MMRN1: variants seen among roughly 807,000 people sequenced by gnomAD.
MMRN1 encodes the protein multimerin-1.
In MMRN1, 94 loss-of-function variants were observed where a neutral mutation model predicts 100.7. The ratio of observed to expected loss-of-function variants is 0.93; its 90% CI spans 0.79 to 1.11. The LOEUF is 1.11. Among genes scored for constraint, MMRN1 ranks in the 50% least tolerant of loss-of-function variants. The pLI, the probability that MMRN1 is intolerant of heterozygous loss-of-function variation, is 0.00. For missense variants in MMRN1, 1,606 were observed against 1,439.1 expected, an observed-to-expected ratio of 1.12 and a Z score of -1.88; for synonymous variants, 575 against 505.0, an observed-to-expected ratio of 1.14 and a Z score of -1.86.
Position 89,909,394 on chromosome 4 carries a change from A to G in MMRN1, c.742A>G (p.Arg248Gly), listed in dbSNP as rs1721673199. 6.2e-7 allele frequency: 1 copy of G among 1,608,682 alleles called. No homozygotes were observed. Among genetic ancestry groups the G allele is most frequent in the Admixed American group, 1.7e-5 (1 of 59,308 alleles). The change falls in exon 2 of 8, where the codon AGA becomes GGA. Residue 248 changes from arginine to glycine, a missense_variant and splice_region_variant. Transcript: ENST00000264790. The part of the protein sequence containing the change: ...CGWTGGSCPQ[R>G]SQKISNPVYR... The stretch of plus-strand genomic sequence containing the variant: ...CTGGACCGGTGGATCCTGTCCTCAG[A>G]GGTATGTAATATTTCTTGAAAATAG...
At chr4:89,944,346 CAG>C (rs1368865406) in intron 6 of MMRN1, among the ~76,000 whole-genome samples, 1 of 152,290 alleles carries the variant, frequency 6.6e-6, no homozygotes, top group East Asian at 1.9e-4. Context: ...AGTTTCTCTT[CAG>C]AGAGTATCAA....
At chr4:89,892,301 G>T (rs1721072280), upstream of MMRN1, among the ~76,000 whole-genome samples, 1 of 150,638 alleles carries the variant, frequency 6.6e-6, no homozygotes, top group Admixed American at 6.7e-5. Flanking sequence ...GGAAATGGGA[G>T]GTATAGCAAA....
intron 6 of MMRN1, among the ~76,000 whole-genome samples, chr4:89,941,221 G>A (rs10030931): frequency 0.3 from 45,614 of 152,010 alleles, 8,140 homozygotes; most frequent in Non-Finnish European, 0.4. Context: ...TGTTTTAGAA[G>A]TCCCCCAAAT....
At chr4:89,952,584 C>A (rs184273374) in intron 7 of MMRN1, among the ~76,000 whole-genome samples, 1 of 152,164 alleles carries the variant, frequency 6.6e-6, no homozygotes, top group African/African-American at 2.4e-5. Flanking sequence ...TGACAAGGTG[C>A]CGGAAAAATT....
At chr4:89,899,793 A>T (rs930150482) in intron 1 of MMRN1, among the ~76,000 whole-genome samples, 1 of 151,950 alleles carries the variant, frequency 6.6e-6, no homozygotes, top group African/African-American at 2.4e-5. Flanking sequence ...AAGTCTTGTT[A>T]CACCTCTAAT....
chr4:89,926,238 C>T (rs1286319892), intron 4 of MMRN1, among the ~76,000 whole-genome samples: 4 of 152,166 alleles, frequency 2.6e-5, no homozygotes, highest in Admixed American at 6.5e-5. Context: ...ACTTACATTC[C>T]TACCAACAGG....
At chr4:89,889,707 A>T (rs79429922) in intron 1 of MMRN1, among the ~76,000 whole-genome samples, 56 of 152,180 alleles carry the variant, frequency 3.7e-4, no homozygotes, top group African/African-American at 1.3e-3. Context: ...AATCTCATCA[A>T]TTCAACACTA....
At chr4:89,927,007 A>T (rs762924234) in intron 4 of MMRN1, among the ~76,000 whole-genome samples, 2 of 152,122 alleles carry the variant, frequency 1.3e-5, no homozygotes, top group Non-Finnish European at 2.9e-5. Context: ...TGCCAGTACC[A>T]TACTGTTTTG....
In MMRN1 at chr4:89,934,846, A is replaced by T; in HGVS notation, c.1166A>T (p.Asp389Val). ...AAAAGCATTAATGTACTGATAAGAGACATAGTAAGAGAACAATTTAAAATT... is the reference window on the plus strand; with the variant it reads ...AAAAGCATTAATGTACTGATAAGAGTCATAGTAAGAGAACAATTTAAAATT... ...KSKSINVLIR[D>V]IVREQFKIFQ... Residue 389 changes from aspartate (D) to valine (V), a missense_variant, in exon 6 of 8, where the codon GAC becomes GTC. Coordinates refer to ENST00000264790, the MANE Select transcript of MMRN1 (RefSeq NM_007351.3). 6.4e-7 allele frequency: 1 copy of T among 1,563,678 alleles called. No individual in the cohort carries two copies. Among genetic ancestry groups the T allele is most frequent in the Non-Finnish European group, 8.6e-7 (1 of 1,156,900 alleles).
In MMRN1 at chr4:89,935,798, A is replaced by G; in HGVS notation, c.2118A>G (p.Val706=). Reference sequence around the variant, plus strand: ...GACACAACTTACTTAGAAATGAAGTACAGGGTCGTGATGATGCCTTAGAAA... The same window carrying G: ...GACACAACTTACTTAGAAATGAAGTGCAGGGTCGTGATGATGCCTTAGAAA... ...TKRHNLLRNE[V]QGRDDALERR... is the part of the protein sequence containing the mutation. Residue 706 remains valine (V), a synonymous_variant, in exon 6 of 8, where the codon GTA becomes GTG. Coordinates refer to ENST00000264790, the MANE Select transcript of MMRN1 (RefSeq NM_007351.3). 1.2e-6 allele frequency: 2 copies of G among 1,613,340 alleles called. No individual in the cohort carries two copies. Among genetic ancestry groups the G allele is most frequent in the African/African-American group, 1.3e-5 (1 of 75,024 alleles).
chr4:89,923,649 T>C (rs1359734273), intron 4 of MMRN1, among the ~76,000 whole-genome samples: 1 of 152,222 alleles, frequency 6.6e-6, no homozygotes, highest in Non-Finnish European at 1.5e-5. Flanking sequence ...GAAGGCTCTC[T>C]TCAATTCATT....
In MMRN1 at chr4:89,895,129, A is replaced by G; in HGVS notation, c.158A>G (p.Gln53Arg). The change falls in exon 1 of 8, where the codon CAA becomes CGA. Residue 53 changes from glutamine to arginine, a missense_variant. By Grantham distance (43) the Gln-to-Arg change is conservative (BLOSUM62 1). Transcript: ENST00000264790. The part of the protein sequence containing the change: ...SVPPNKIQSL[Q>R]ILPTTRVMSA... ...CCTCCAAATAAAATACAAAGTTTGC[A>G]AATACTGCCAACCACTCGGGTCATG... 6.2e-7 allele frequency: 1 copy of G among 1,613,876 alleles called. No homozygotes were observed. The highest frequency in any genetic ancestry group is 8.5e-7 in the Non-Finnish European group (1 of 1,179,902).
intron 1 of MMRN1, among the ~76,000 whole-genome samples, chr4:89,880,688 A>G (rs145309980): frequency 6.6e-5 from 10 of 152,156 alleles, no homozygotes; most frequent in African/African-American, 2.4e-4. Context: ...GGTTTCTTAT[A>G]TAACATCTCT....
chr4:89,894,435 T>C (rs2110577589), upstream of MMRN1, among the ~76,000 whole-genome samples: 1 of 152,320 alleles, frequency 6.6e-6, no homozygotes, highest in East Asian at 1.9e-4. Context: ...CTTTTGATTA[T>C]GTGTATGCAT....
At chr4:89,902,757 A>G (rs944351519) in intron 1 of MMRN1, among the ~76,000 whole-genome samples, 4 of 151,988 alleles carry the variant, frequency 2.6e-5, no homozygotes, top group Non-Finnish European at 5.9e-5. Flanking sequence ...TTAAAGTCTA[A>G]ATTAACCATA....
At chr4:89,946,722 G>T (rs1722996565) in intron 6 of MMRN1, among the ~76,000 whole-genome samples, 1 of 152,050 alleles carries the variant, frequency 6.6e-6, no homozygotes, top group South Asian at 2.1e-4. Context: ...TCTCCAATTA[G>T]TTCAAATATG....
At position 89,896,730 on chromosome 4, in the gene MMRN1, G is replaced by C. The variant is rs937345759; in HGVS notation, c.623+1136G>C. Among the ~76,000 whole-genome samples the C allele has an allele frequency of 1.4e-4, 21 of 152,246 alleles. No homozygotes were observed. The South Asian group carries it at 3.9e-3, about 29-fold the overall frequency. ...TTAAAGCTGTTGCTGATATAAAGGT[G>C]AGAAGAAGAGAGACACTGGTAAGAA... On this transcript the variant is annotated intron_variant, in intron 1 of 7. Transcript: ENST00000264790.
chr4:89,919,566 A>G (rs1264744909), intron 3 of MMRN1, among the ~76,000 whole-genome samples: 1 of 151,754 alleles, frequency 6.6e-6, no homozygotes, highest in Non-Finnish European at 1.5e-5. Flanking sequence ...TATTTATTTT[A>G]TATTGAATTT....
chr4:89,924,431 A>G (rs983631376), intron 4 of MMRN1, among the ~76,000 whole-genome samples: 14 of 152,098 alleles, frequency 9.2e-5, no homozygotes, highest in African/African-American at 3.1e-4. Flanking sequence ...TCCTGAATGA[A>G]TATAGTCTTG....
Sources: allele counts gnomAD v4.1 joint callset (sites outside exome capture counted in the v4.1 genomes callset), GRCh38; gene constraint gnomAD v4.1.1; transcripts MANE v1.5; gene names NCBI Gene and HGNC (gene_info 2026-07-23, HGNC 2026-07-21).